The following RASSF9 variants were observed in gnomAD, a reference collection of about 807,000 sequenced individuals.
RASSF9 encodes the protein ras association domain-containing protein 9.
A neutral mutation model predicts 21.4 loss-of-function variants in RASSF9; 18 were observed. The observed-to-expected ratio is 0.84, with a 90% CI of 0.58 to 1.25. The LOEUF (loss-of-function observed/expected upper bound fraction) is 1.25, where lower values mean the gene tolerates loss of function less well. Among genes scored for constraint, RASSF9 ranks in the 50% most tolerant of loss-of-function variants. RASSF9 has a pLI of 0.00. For missense variants in RASSF9, 480 were observed against 503.2 expected (o/e 0.95, Z 0.44); for synonymous variants, 183 against 179.1 (o/e 1.02, Z -0.18).
chr12:85,829,741 T>C (rs545947958), intron 1 of RASSF9, among the ~76,000 whole-genome samples: 2 of 152,238 alleles, frequency 1.3e-5, no homozygotes, highest in Middle Eastern at 6.8e-3. Context: ...CTCTTAAATA[T>C]TTCTACATAG....
intron 1 of RASSF9, among the ~76,000 whole-genome samples, chr12:85,822,145 T>G (rs993023946): frequency 2.0e-5 from 3 of 152,190 alleles, no homozygotes; most frequent in Non-Finnish European, 2.9e-5. Context: ...TTTCAGCTAT[T>G]AGTAAGAGAT....
At chr12:85,824,999 C>CATTTATTT (rs568305097) in intron 1 of RASSF9, among the ~76,000 whole-genome samples, 9 of 151,890 alleles carry the variant, frequency 5.9e-5, no homozygotes, top group Admixed American at 3.9e-4. Flanking sequence ...AATGTGTGCT[C>CATTTATTT]ATTTATTTAT....
Position 85,835,750 on chromosome 12 carries a change from T to C in RASSF9, c.47+405A>G, listed in dbSNP as rs181728024. 9.9e-4 allele frequency among the ~76,000 whole-genome samples: 151 copies of C among 152,300 alleles called. 2 individuals carry two copies. The highest frequency in any genetic ancestry group is 3.3e-3 in the African/African-American group (138 of 41,574). On this transcript the variant is annotated intron_variant, in intron 1 of 1. Transcript: ENST00000361228. ...TACTAGTTACATCTTTATCAAAGTT[T>C]TAATTATTTCTACAATATTCTAAAG...
chr12:85,805,036 C>T lies in RASSF9; in HGVS notation c.974G>A (p.Ser325Asn), dbSNP rs371007333. 2.9e-5 allele frequency: 46 copies of T among 1,613,982 alleles called. No homozygotes were observed. The highest frequency in any genetic ancestry group is 2.5e-4 in the East Asian group (11 of 44,886). ...LESVKCDLEK[S>N]MKAGLKIHSH... ...GTGAATTTTCAAACCAGCTTTCATG[C>T]TTTTCTCCAAATCACACTTAACACT... The change falls in exon 2 of 2, where the codon AGC becomes AAC. Residue 325 changes from serine to asparagine, a missense_variant. Ser to Asn is a conservative substitution (Grantham distance 46). Transcript: ENST00000361228.
intron 1 of RASSF9, among the ~76,000 whole-genome samples, chr12:85,827,768 CAGTCTTAACTAACA>C (rs1368455376): frequency 6.6e-6 from 1 of 152,184 alleles, no homozygotes; most frequent in Non-Finnish European, 1.5e-5. Flanking sequence ...TGGTTCATTA[CAGTCTTAACTAACA>C]AGCCAACTCT....
chr12:85,806,494 T>A (rs1219896594), intron 1 of RASSF9, among the ~76,000 whole-genome samples: 1 of 149,684 alleles, frequency 6.7e-6, no homozygotes, highest in Non-Finnish European at 1.5e-5. Context: ...CCAACATGGA[T>A]AAACCCCGTC....
intron 1 of RASSF9, among the ~76,000 whole-genome samples, chr12:85,831,620 T>A (rs1880453386): frequency 6.6e-6 from 1 of 152,004 alleles, no homozygotes; most frequent in East Asian, 1.9e-4. Flanking sequence ...CTCCTGAGAA[T>A]TTTGAAGATT....
Position 85,803,760 on chromosome 12 carries a change from T to A in RASSF9, c.*942A>T, listed in dbSNP as rs925537010. 3.3e-5 allele frequency: 5 copies of A among 152,178 alleles called. No homozygotes were observed. Among genetic ancestry groups the A allele is most frequent in the Non-Finnish European group, 7.4e-5 (5 of 68,010 alleles). 9.4% of individuals were successfully genotyped at this position (152,178 alleles called of 1,614,324 possible). On this transcript the variant is annotated 3_prime_UTR_variant, in exon 2 of 2. Coordinates refer to ENST00000361228, the MANE Select transcript of RASSF9 (RefSeq NM_005447.4). ...GATGAAGAAATAAGACAATCTGAGT[T>A]ATAGCATAGCAGAATAAGTCTTTTG...
chr12:85,830,605 A>C (rs908857848), intron 1 of RASSF9, among the ~76,000 whole-genome samples: 1 of 152,118 alleles, frequency 6.6e-6, no homozygotes, highest in Admixed American at 6.5e-5. Context: ...TTATAAAAGC[A>C]GGGTGCATTC....
At chr12:85,829,277 G>A (rs1880399095) in intron 1 of RASSF9, among the ~76,000 whole-genome samples, 1 of 151,982 alleles carries the variant, frequency 6.6e-6, no homozygotes, top group South Asian at 2.1e-4. Flanking sequence ...GCTGAAGTTG[G>A]ACCACTATCT....
intron 1 of RASSF9, among the ~76,000 whole-genome samples, chr12:85,812,600 A>G (rs1201769808): frequency 6.6e-6 from 1 of 151,106 alleles, no homozygotes; most frequent in Non-Finnish European, 1.5e-5. Flanking sequence ...TTTTTTTCTA[A>G]TTCTATATAT....
At chr12:85,823,037 A>G (rs1880250256) in intron 1 of RASSF9, among the ~76,000 whole-genome samples, 1 of 152,034 alleles carries the variant, frequency 6.6e-6, no homozygotes, top group South Asian at 2.1e-4. Flanking sequence ...CGTCTCCACT[A>G]AAAATACAAA....
Position 85,822,580 on chromosome 12 carries a change from A to AT in RASSF9, c.47+13574_47+13575insA, listed in dbSNP as rs1880235480. Among the ~76,000 whole-genome samples, 11 of 152,324 alleles carry AT rather than the reference A, an allele frequency of 7.2e-5. No homozygotes were observed. The South Asian group carries it at 1.7e-3, about 23-fold the overall frequency. On this transcript the variant is annotated intron_variant, in intron 1 of 1. Transcript: ENST00000361228. Reference sequence around the variant, plus strand: ...GAAAAGGAGAGATATTATTCTTGGGAACATTATTGATAAGAGAAAAATACT... The same window carrying AT: ...GAAAAGGAGAGATATTATTCTTGGGATACATTATTGATAAGAGAAAAATACT...
intron 1 of RASSF9, among the ~76,000 whole-genome samples, chr12:85,826,015 T>C (rs1880325918): frequency 1.3e-5 from 2 of 152,172 alleles, no homozygotes; most frequent in African/African-American, 4.8e-5. Context: ...TGTACTATTC[T>C]GTATTAATCA....
chr12:85,826,735 G>C (rs776110993), intron 1 of RASSF9, among the ~76,000 whole-genome samples: 1 of 151,794 alleles, frequency 6.6e-6, no homozygotes, highest in Non-Finnish European at 1.5e-5. Context: ...GAGCCACCGC[G>C]CCTGGCCCAT....
At chr12:85,818,995 A>C (rs11837152) in intron 1 of RASSF9, among the ~76,000 whole-genome samples, 9,203 of 147,748 alleles carry the variant, frequency 0.062, 332 homozygotes, top group Non-Finnish European at 0.08. Flanking sequence ...CTGTAAAATT[A>C]TTTTGTAATT....
intron 1 of RASSF9, among the ~76,000 whole-genome samples, chr12:85,812,231 A>G (rs1276182693): frequency 6.6e-6 from 1 of 151,722 alleles, no homozygotes; most frequent in African/African-American, 2.4e-5. Context: ...TTTCTTATGC[A>G]CATAACTATT....
chr12:85,811,902 T>C (rs1879962474), intron 1 of RASSF9, among the ~76,000 whole-genome samples: 1 of 151,784 alleles, frequency 6.6e-6, no homozygotes, highest in Non-Finnish European at 1.5e-5. Flanking sequence ...TTGGTTCTGA[T>C]TAAAACTCAT....
At position 85,803,254 on chromosome 12, in the gene RASSF9, TAA is replaced by T. The variant is rs1439476015; in HGVS notation, c.*1446_*1447del. 2.0e-5 allele frequency: 3 copies of T among 151,864 alleles called. No individual in the cohort carries two copies. Among genetic ancestry groups the T allele is most frequent in the African/African-American group, 7.3e-5 (3 of 41,370 alleles). 9.4% of individuals were successfully genotyped at this position (151,864 alleles called of 1,614,324 possible). A position where few individuals can be genotyped will look rare whatever the true frequency, so the allele number is the denominator to read the frequency against. ...CCTGCACTAAAAGTATGCAAAAGAA[TAA>T]AAGAGAAGAAATGAGAAGGATTGGG... On this transcript the variant is annotated 3_prime_UTR_variant, in exon 2 of 2. Coordinates refer to ENST00000361228, the MANE Select transcript of RASSF9 (RefSeq NM_005447.4).
Sources: gnomAD v4.1 joint callset for allele counts (sites outside exome capture counted in the v4.1 genomes callset) on GRCh38, gnomAD v4.1.1 for gene constraint, MANE v1.5 for transcripts, NCBI Gene and HGNC (gene_info 2026-07-23, HGNC 2026-07-21) for gene names.